Variants in SEMA5A observed in about 807,000 individuals in gnomAD.
The protein encoded by SEMA5A is semaphorin 5A, also known as semaphorin-5A.
In SEMA5A, 55 loss-of-function variants were observed where a neutral mutation model predicts 135.5. The ratio of observed to expected loss-of-function variants is 0.41; its 90% CI spans 0.33 to 0.51. SEMA5A has a LOEUF of 0.51. Among genes scored for constraint, SEMA5A ranks in the 20% least tolerant of loss-of-function variants. The pLI, the probability that SEMA5A is intolerant of heterozygous loss-of-function variation, is 0.37. For missense variants in SEMA5A, 1,290 were observed against 1,419.9 expected, an observed-to-expected ratio of 0.91 and a Z score of 1.47; for synonymous variants, 580 against 546.5, an observed-to-expected ratio of 1.06 and a Z score of -0.85.
At chr5:9,055,612 C>A (rs1736847141) in intron 18 of SEMA5A, among the ~76,000 whole-genome samples, 1 of 151,758 alleles carries the variant, frequency 6.6e-6, no homozygotes, top group African/African-American at 2.4e-5. Flanking sequence ...GAAACCAGAG[C>A]AAAAATATCA....
intron 5 of SEMA5A, among the ~76,000 whole-genome samples, chr5:9,271,521 C>G (rs559106032): frequency 2.4e-4 from 37 of 152,242 alleles, no homozygotes; most frequent in African/African-American, 8.9e-4. Context: ...AAATTTAGAA[C>G]TTGCTAGAGA....
chr5:9,081,060 G>T (rs901350653), intron 16 of SEMA5A, among the ~76,000 whole-genome samples: 7 of 152,184 alleles, frequency 4.6e-5, no homozygotes, highest in African/African-American at 1.4e-4. Flanking sequence ...GTTGCCTTGT[G>T]GTGAGTGGCC....
In SEMA5A at chr5:9,154,550, C is replaced by A; in HGVS notation, c.1419G>T (p.Val473=). ...TCTTGACCACGTGCTCCCGCAGGCC[C>A]ACGAACAGGACACTCTGGCTGTGCA... ...QILHSQSVLF[V]GLREHVVKIP... The change falls in exon 12 of 23, where the codon GTG becomes GTT. Residue 473 remains valine, a synonymous_variant. Transcript: ENST00000382496. 1 of 1,613,052 alleles carries A rather than the reference C, an allele frequency of 6.2e-7. No homozygotes were observed. Among genetic ancestry groups the A allele is most frequent in the Non-Finnish European group, 8.5e-7 (1 of 1,179,968 alleles).
At chr5:9,428,165 TATCC>T (rs770091241) in intron 2 of SEMA5A, among the ~76,000 whole-genome samples, 13,818 of 93,298 alleles carry the variant, frequency 0.15, 1,205 homozygotes, top group African/African-American at 0.34. Flanking sequence ...TCTATCTATC[TATCC>T]ATCCATCCAT....
At chr5:9,173,591 C>T (rs1191202595) in intron 11 of SEMA5A, among the ~76,000 whole-genome samples, 1 of 152,126 alleles carries the variant, frequency 6.6e-6, no homozygotes, top group Non-Finnish European at 1.5e-5. Context: ...GCACTAATCC[C>T]ATTCATGAGG....
chr5:9,241,182 T>C (rs571874806), intron 5 of SEMA5A, among the ~76,000 whole-genome samples: 1 of 152,228 alleles, frequency 6.6e-6, no homozygotes, highest in South Asian at 2.1e-4. Flanking sequence ...ACGATTCCTG[T>C]TTGCAGTAAG....
intron 5 of SEMA5A, among the ~76,000 whole-genome samples, chr5:9,302,320 A>G (rs1325819983): frequency 6.6e-6 from 1 of 152,178 alleles, no homozygotes; most frequent in African/African-American, 2.4e-5. Context: ...AGTCACAGGG[A>G]GTAGAGTCCT....
intron 2 of SEMA5A, among the ~76,000 whole-genome samples, chr5:9,397,739 C>T (rs1267405703): frequency 6.6e-6 from 1 of 152,204 alleles, no homozygotes; most frequent in East Asian, 1.9e-4. Flanking sequence ...AGCTTAAGCG[C>T]TGTCTCTAAT....
chr5:9,051,773 T>G, intron 20 of SEMA5A, 100 bp downstream of exon 20: 1 of 1,459,422 alleles, frequency 6.9e-7, no homozygotes, highest in Non-Finnish European at 9.4e-7. Context: ...ATCATCTCTA[T>G]TTCACCAAAT....
At chr5:9,101,137 C>T (rs1326859750) in intron 16 of SEMA5A, among the ~76,000 whole-genome samples, 1 of 152,140 alleles carries the variant, frequency 6.6e-6, no homozygotes, top group Admixed American at 6.5e-5. Flanking sequence ...TTCACTTTAT[C>T]GAATCTCATA....
intron 12 of SEMA5A, among the ~76,000 whole-genome samples, chr5:9,152,982 C>T (rs1164786215): frequency 4.0e-5 from 6 of 151,768 alleles, no homozygotes; most frequent in Non-Finnish European, 7.4e-5. Context: ...GAAAGAGAAT[C>T]GCTTGAACCC....
At chr5:9,281,763 G>A (rs547390440) in intron 5 of SEMA5A, among the ~76,000 whole-genome samples, 6 of 151,772 alleles carry the variant, frequency 4.0e-5, no homozygotes, top group South Asian at 2.1e-4. Flanking sequence ...GGGAGAAGAC[G>A]GCATGCTGTG....
At chr5:9,257,273 T>G (rs752021577) in intron 5 of SEMA5A, among the ~76,000 whole-genome samples, 8 of 152,218 alleles carry the variant, frequency 5.3e-5, no homozygotes, top group Non-Finnish European at 7.3e-5. Context: ...CTCTATGACC[T>G]TCTCACAGCG....
intron 22 of SEMA5A, 41 bp from the exon 23 acceptor site, chr5:9,043,057 A>C (rs1273073005): frequency 6.6e-7 from 1 of 1,522,760 alleles, no homozygotes; most frequent in Non-Finnish European, 9.0e-7. Context: ...AAGAATGCTG[A>C]GTAGCATTTC....
chr5:9,228,876 CCA>C (rs1747467516), intron 6 of SEMA5A, among the ~76,000 whole-genome samples: 1 of 152,154 alleles, frequency 6.6e-6, no homozygotes, highest in South Asian at 2.1e-4. Flanking sequence ...AAATGGACCC[CCA>C]CTCTAGATGA....
At chr5:9,043,708 G>T (rs542797711) in intron 22 of SEMA5A, among the ~76,000 whole-genome samples, 1 of 152,328 alleles carries the variant, frequency 6.6e-6, no homozygotes, top group East Asian at 1.9e-4. Context: ...AGAAGGATTC[G>T]TTAAAGACTG....
intron 3 of SEMA5A, among the ~76,000 whole-genome samples, chr5:9,348,057 T>C (rs1291541266): frequency 6.6e-6 from 1 of 152,218 alleles, no homozygotes; most frequent in African/African-American, 2.4e-5. Flanking sequence ...GGTGAGGGTC[T>C]GGCTACTCCA....
At chr5:9,278,550 T>C (rs1455782269) in intron 5 of SEMA5A, among the ~76,000 whole-genome samples, 1 of 152,198 alleles carries the variant, frequency 6.6e-6, no homozygotes. Context: ...CAATGGGGAA[T>C]ATATCTCCAG....
intron 8 of SEMA5A, among the ~76,000 whole-genome samples, chr5:9,210,743 T>C (rs1307369488): frequency 6.6e-6 from 1 of 152,150 alleles, no homozygotes; most frequent in Non-Finnish European, 1.5e-5. Context: ...AGCCCCATAG[T>C]GCTCATCTGT....
Sources: gnomAD v4.1 joint callset for allele counts (sites outside exome capture counted in the v4.1 genomes callset) on GRCh38, gnomAD v4.1.1 for gene constraint, MANE v1.5 for transcripts, NCBI Gene and HGNC (gene_info 2026-07-23, HGNC 2026-07-21) for gene names.